Variants in AFF3 observed in about 807,000 individuals in gnomAD.
AFF3 encodes AF4/FMR2 family member 3.
Under a neutral mutation model 129.7 loss-of-function variants are expected in AFF3, and 32 were observed. That is an observed-to-expected ratio of 0.25 (90% CI 0.19 to 0.33). The LOEUF (loss-of-function observed/expected upper bound fraction) is 0.33. Ranked by LOEUF, AFF3 falls within the 10% of genes least tolerant of loss-of-function variation. The pLI, the probability that AFF3 is intolerant of heterozygous loss-of-function variation, is 1.00. For synonymous variants in AFF3, 644 were observed against 635.4 expected (o/e 1.01, Z -0.20); for missense variants, 1,373 against 1,592.0 (o/e 0.86, Z 2.34).
intron 7 of AFF3, among the ~76,000 whole-genome samples, chr2:99,960,170 C>T (rs569779380): frequency 6.6e-6 from 1 of 152,142 alleles, no homozygotes; most frequent in African/African-American, 2.4e-5. Context: ...TAGAGTAGCA[C>T]AATCAAGATT....
At chr2:100,051,445 C>T (rs1472901455) in intron 4 of AFF3, among the ~76,000 whole-genome samples, 1 of 152,150 alleles carries the variant, frequency 6.6e-6, no homozygotes, top group Non-Finnish European at 1.5e-5. Context: ...TTGCAATGTT[C>T]TGAGGCTGAA....
chr2:100,140,912 C>A (rs1454831202), intron 1 of AFF3, among the ~76,000 whole-genome samples: 2 of 152,164 alleles, frequency 1.3e-5, no homozygotes, highest in Non-Finnish European at 2.9e-5. Context: ...CCACCTCCCA[C>A]CTTTCACCTT....
intron 11 of AFF3, among the ~76,000 whole-genome samples, chr2:99,684,531 T>C (rs936026395): frequency 4.6e-5 from 7 of 151,910 alleles, no homozygotes; most frequent in Non-Finnish European, 4.4e-5. Flanking sequence ...CAATGTTCCA[T>C]ATTAAAGAAA....
At chr2:99,900,444 G>T (rs6745784) in intron 7 of AFF3, among the ~76,000 whole-genome samples, 3,308 of 151,918 alleles carry the variant, frequency 0.022, 112 homozygotes, top group African/African-American at 0.074. Context: ...CCCCTTCTCA[G>T]TGACCACCCA....
At chr2:99,603,359 T>C (rs931022138) in intron 13 of AFF3, among the ~76,000 whole-genome samples, 3 of 152,318 alleles carry the variant, frequency 2.0e-5, no homozygotes, top group Non-Finnish European at 4.4e-5. Flanking sequence ...CTGTAGAACC[T>C]GACAGAAACA....
In AFF3 at chr2:99,593,782, T is replaced by G. The variant is rs776406973; in HGVS notation, c.1879A>C (p.Thr627Pro). 2 of 1,612,184 alleles carry G rather than the reference T, an allele frequency of 1.2e-6. No individual in the cohort carries two copies. The highest frequency in any genetic ancestry group is 2.2e-5 in the East Asian group (1 of 44,844). ...SVVVPPEPTK[T>P]RPCGNNRASH... ...GCTCTGTTGTTGCCACAGGGCCTGG[T>G]TTTGGTGGGCTCCGGGGGGACCACC... Residue 627 changes from threonine to proline, a missense_variant, in exon 15 of 25, where the codon ACC (threonine) becomes CCC (proline). Transcript: ENST00000672756.
At chr2:99,607,638 A>G (rs899726947) in intron 13 of AFF3, among the ~76,000 whole-genome samples, 1 of 152,192 alleles carries the variant, frequency 6.6e-6, no homozygotes, top group African/African-American at 2.4e-5. Flanking sequence ...CATATCCAAA[A>G]TTGTCCACAC....
chr2:100,112,960 T>C (rs1002377381), intron 2 of AFF3, among the ~76,000 whole-genome samples: 2 of 152,236 alleles, frequency 1.3e-5, no homozygotes, highest in Non-Finnish European at 2.9e-5. Flanking sequence ...TAGCATTGCT[T>C]TCTGTCACTC....
At position 99,770,667 on chromosome 2, in the gene AFF3, T is replaced by G. The variant is rs565059808; in HGVS notation, c.922-18366A>C. On this transcript the variant is annotated intron_variant, in intron 8 of 24. Transcript: ENST00000672756. ...TGACCTGGGTATCACTGCTGGTTAT[T>G]CAGGGACCAAGGGCTCTTTAAGTCA... Among the ~76,000 whole-genome samples, 412 of 152,250 alleles carry G rather than the reference T, an allele frequency of 2.7e-3. 1 individual carries two copies. Among genetic ancestry groups the G allele is most frequent in the African/African-American group, 9.5e-3 (394 of 41,538 alleles).
intron 4 of AFF3, among the ~76,000 whole-genome samples, chr2:100,053,662 G>A (rs1001544109): frequency 1.2e-4 from 18 of 152,280 alleles, no homozygotes; most frequent in African/African-American, 4.3e-4. Context: ...ATCATCTGCT[G>A]ATTCAAGAAG....
chr2:100,088,243 G>A (rs1486432738), intron 4 of AFF3, among the ~76,000 whole-genome samples: 2 of 151,822 alleles, frequency 1.3e-5, no homozygotes. Flanking sequence ...TCTATTCACA[G>A]ATGACATAAT....
At chr2:100,015,058 C>A (rs559528816) in intron 4 of AFF3, among the ~76,000 whole-genome samples, 1 of 150,616 alleles carries the variant, frequency 6.6e-6, no homozygotes, top group Non-Finnish European at 1.5e-5. Context: ...CCTGCCTTGG[C>A]CCCCCAAAGT....
At chr2:99,865,290 T>C (rs1325217720) in intron 7 of AFF3, among the ~76,000 whole-genome samples, 1 of 152,214 alleles carries the variant, frequency 6.6e-6, no homozygotes, top group Non-Finnish European at 1.5e-5. Context: ...TGAGACAGCT[T>C]CTTTGAGTGG....
intron 1 of AFF3, among the ~76,000 whole-genome samples, chr2:100,130,395 A>G (rs11885475): frequency 0.038 from 5,754 of 152,156 alleles, 376 homozygotes; most frequent in African/African-American, 0.13. Context: ...AAAGTAAGAG[A>G]CACCCGCTCT....
chr2:100,005,309 T>C (rs1681864850), intron 7 of AFF3, among the ~76,000 whole-genome samples: 1 of 152,220 alleles, frequency 6.6e-6, no homozygotes, highest in South Asian at 2.1e-4. Context: ...TGTAAATTAT[T>C]ACCTAATAAA....
At chr2:99,962,716 G>A (rs1677346295) in intron 7 of AFF3, among the ~76,000 whole-genome samples, 1 of 151,618 alleles carries the variant, frequency 6.6e-6, no homozygotes, top group African/African-American at 2.4e-5. Context: ...AATCTAAACA[G>A]TAGAGAAAAA....
chr2:99,878,843 C>T (rs1344669404), intron 7 of AFF3, among the ~76,000 whole-genome samples: 1 of 152,164 alleles, frequency 6.6e-6, no homozygotes, highest in Non-Finnish European at 1.5e-5. Flanking sequence ...ATAAACTTCA[C>T]AGAGATTTAA....
At chr2:99,878,494 T>C (rs2106000855) in intron 7 of AFF3, among the ~76,000 whole-genome samples, 1 of 152,318 alleles carries the variant, frequency 6.6e-6, no homozygotes. Context: ...TTTCTCCCTT[T>C]AATATGTTAC....
chr2:100,080,092 G>C (rs1018518587), intron 4 of AFF3, among the ~76,000 whole-genome samples: 1 of 152,176 alleles, frequency 6.6e-6, no homozygotes, highest in Non-Finnish European at 1.5e-5. Flanking sequence ...TAAGAGAACT[G>C]TACTATCCTT....
Sources: allele counts gnomAD v4.1 joint callset (sites outside exome capture counted in the v4.1 genomes callset), GRCh38; gene constraint gnomAD v4.1.1; transcripts MANE v1.5; gene names NCBI Gene and HGNC (gene_info 2026-07-23, HGNC 2026-07-21).